Variants in AGBL3 observed in about 807,000 individuals in gnomAD.
AGBL3 encodes cytosolic carboxypeptidase 3.
A neutral mutation model predicts 94.5 loss-of-function variants in AGBL3; 68 were observed. The ratio of observed to expected loss-of-function variants is 0.72; its 90% CI spans 0.59 to 0.88. The LOEUF (loss-of-function observed/expected upper bound fraction) is 0.88, where lower values mean the gene tolerates loss of function less well. AGBL3 is among the 40% of genes least tolerant of loss of function. The pLI is 0.00. For synonymous variants in AGBL3, 354 were observed against 370.7 expected, an observed-to-expected ratio of 0.95 and a Z score of 0.52; for missense variants, 934 against 1,103.8, an observed-to-expected ratio of 0.85 and a Z score of 2.18.
At chr7:135,011,625 G>T (rs530551584) in intron 4 of AGBL3, 1 of 152,280 alleles carries the variant, frequency 6.6e-6, no homozygotes, top group East Asian at 1.9e-4. Flanking sequence ...AATAAAAAAT[G>T]ATATTCACAT....
chr7:135,087,577 T>C (rs1294658227), intron 15 of AGBL3, among the ~76,000 whole-genome samples: 1 of 152,036 alleles, frequency 6.6e-6, no homozygotes, highest in East Asian at 1.9e-4. Context: ...CTTTTTACTG[T>C]CTTCAGTAGT....
At chr7:135,018,912 A>G (rs1321870181) in intron 5 of AGBL3, among the ~76,000 whole-genome samples, 2 of 152,202 alleles carry the variant, frequency 1.3e-5, no homozygotes, top group African/African-American at 4.8e-5. Context: ...TTTGAAAAAT[A>G]TATCATCTGT....
intron 13 of AGBL3, among the ~76,000 whole-genome samples, chr7:135,078,493 T>TTTTG (rs1174146049): frequency 8.2e-6 from 1 of 121,870 alleles, no homozygotes; most frequent in African/African-American, 2.9e-5. Flanking sequence ...CAAAATAGGT[T>TTTTG]TTTGTTAGGG....
chr7:135,066,023 T>G (rs1819264261), intron 12 of AGBL3, among the ~76,000 whole-genome samples: 1 of 152,062 alleles, frequency 6.6e-6, no homozygotes, highest in Non-Finnish European at 1.5e-5. Context: ...ACCATAAAAC[T>G]CCTAGAAGAA....
intron 11 of AGBL3, among the ~76,000 whole-genome samples, chr7:135,053,038 A>T (rs1818022892): frequency 6.6e-6 from 1 of 152,238 alleles, no homozygotes; most frequent in Non-Finnish European, 1.5e-5. Flanking sequence ...CTACTTATGT[A>T]TATTGCCCTT....
intron 9 of AGBL3, among the ~76,000 whole-genome samples, chr7:135,044,509 G>GTATT (rs999925675): frequency 2.0e-5 from 3 of 152,082 alleles, no homozygotes; most frequent in Admixed American, 2.0e-4. Flanking sequence ...GTCAATATAT[G>GTATT]TTTAAATGAA....
intron 4 of AGBL3, among the ~76,000 whole-genome samples, chr7:134,997,188 A>G (rs893938776): frequency 1.3e-5 from 2 of 152,178 alleles, no homozygotes; most frequent in Non-Finnish European, 2.9e-5. Flanking sequence ...ACAGTTCACA[A>G]TAGGGCTTGT....
intron 15 of AGBL3, among the ~76,000 whole-genome samples, chr7:135,083,451 A>T (rs757783325): frequency 6.6e-6 from 1 of 152,204 alleles, no homozygotes; most frequent in Non-Finnish European, 1.5e-5. Flanking sequence ...ATTTTAAAAT[A>T]ATTTCAAGAA....
intron 4 of AGBL3, among the ~76,000 whole-genome samples, chr7:135,001,773 A>C (rs1306127824): frequency 2.6e-5 from 4 of 152,206 alleles, no homozygotes; most frequent in Non-Finnish European, 4.4e-5. Flanking sequence ...GCTGAAATTC[A>C]AGCTTGGCCC....
chr7:135,072,640 C>G (rs1191196672), intron 12 of AGBL3, among the ~76,000 whole-genome samples: 1 of 151,976 alleles, frequency 6.6e-6, no homozygotes, highest in East Asian at 1.9e-4. Context: ...TGGAAACCAT[C>G]ATTCTCAGCA....
intron 4 of AGBL3, among the ~76,000 whole-genome samples, chr7:134,997,637 C>A (rs1050130241): frequency 3.3e-5 from 5 of 152,162 alleles, no homozygotes; most frequent in Non-Finnish European, 5.9e-5. Flanking sequence ...ACCACCACCA[C>A]AATAAATCAA....
Position 135,034,831 on chromosome 7 carries a change from C to T in AGBL3, c.1240C>T (p.Arg414Cys), listed in dbSNP as rs746148745. The change falls in exon 7 of 17, where the codon CGC becomes TGC. Residue 414 changes from arginine to cysteine, a missense_variant. Coordinates refer to ENST00000436302, the MANE Select transcript of AGBL3 (RefSeq NM_178563.4). ...NPDGVIVGNY[R>C]CSLAGRDLNR... The stretch of plus-strand genomic sequence containing the variant: ...AGATGGTGTGATTGTGGGAAATTAT[C>T]GCTGTTCCTTAGCTGGACGGGATTT... 1.8e-5 allele frequency: 28 copies of T among 1,551,826 alleles called. No individual in the cohort carries two copies. In the South Asian group the frequency reaches 2.3e-4, roughly 13 times the overall value.
intron 5 of AGBL3, among the ~76,000 whole-genome samples, chr7:135,030,237 G>A (rs540992481): frequency 1.3e-3 from 196 of 151,134 alleles, no homozygotes; most frequent in African/African-American, 4.4e-3. Flanking sequence ...CACAAGGTAC[G>A]CCTTTATCAT....
chr7:135,032,171 C>G (rs546107501), intron 5 of AGBL3, among the ~76,000 whole-genome samples: 18 of 152,292 alleles, frequency 1.2e-4, no homozygotes, highest in South Asian at 1.0e-3. Flanking sequence ...CATAGTTGTT[C>G]TATTTGTTGT....
At chr7:135,055,230 C>A (rs532644865) in intron 11 of AGBL3, among the ~76,000 whole-genome samples, 3 of 152,308 alleles carry the variant, frequency 2.0e-5, no homozygotes, top group Admixed American at 1.3e-4. Flanking sequence ...CAAATTTCAA[C>A]ATGAGTTTGG....
intron 15 of AGBL3, among the ~76,000 whole-genome samples, chr7:135,103,320 AT>A (rs1439843076): frequency 6.6e-6 from 1 of 152,176 alleles, no homozygotes; most frequent in African/African-American, 2.4e-5. Flanking sequence ...GGAGTTCCTT[AT>A]ACTAGTCTCT....
chr7:135,024,696 A>C (rs1277735290), intron 5 of AGBL3, among the ~76,000 whole-genome samples: 1 of 152,232 alleles, frequency 6.6e-6, no homozygotes, highest in African/African-American at 2.4e-5. Context: ...GATGGCAAGG[A>C]ATCTTATCGA....
intron 15 of AGBL3, among the ~76,000 whole-genome samples, chr7:135,114,510 C>T (rs1826049367): frequency 7.7e-5 from 1 of 13,048 alleles, no homozygotes; most frequent in African/African-American, 8.5e-5. Context: ...ACATGCTCTT[C>T]CCAGTCTCCC....
chr7:135,126,034 C>A (rs183224986), intron 16 of AGBL3, among the ~76,000 whole-genome samples: 32 of 152,174 alleles, frequency 2.1e-4, no homozygotes, highest in African/African-American at 7.7e-4. Flanking sequence ...GTATTGGAAG[C>A]TCTGGCCAGG....
Sources: gnomAD v4.1 joint callset for allele counts (sites outside exome capture counted in the v4.1 genomes callset) on GRCh38, gnomAD v4.1.1 for gene constraint, MANE v1.5 for transcripts, NCBI Gene and HGNC (gene_info 2026-07-23, HGNC 2026-07-21) for gene names.